The following DNAJC10 variants were observed in gnomAD, a reference collection of about 807,000 sequenced individuals.
DNAJC10 encodes DnaJ heat shock protein family (Hsp40) member C10.
A neutral mutation model predicts 115.0 loss-of-function variants in DNAJC10; 101 were observed. That is an observed-to-expected ratio of 0.88 (90% CI 0.75 to 1.04). DNAJC10 has a LOEUF of 1.04. Ranked by LOEUF, DNAJC10 falls within the 50% of genes least tolerant of loss-of-function variation. The pLI, the probability that DNAJC10 is intolerant of heterozygous loss-of-function variation, is 0.00. For missense variants in DNAJC10, 981 were observed against 928.8 expected, an observed-to-expected ratio of 1.06 and a Z score of -0.73; for synonymous variants, 307 against 301.5, an observed-to-expected ratio of 1.02 and a Z score of -0.19.
chr2:182,751,968 C>G (rs926017582), intron 15 of DNAJC10, 104 bp from the exon 16 acceptor site: 1 of 1,223,068 alleles, frequency 8.2e-7, no homozygotes, highest in Non-Finnish European at 1.2e-6. Context: ...AGGTTTGCCG[C>G]TAAGTACAGT....
rs760570136 is a variant in DNAJC10, at chr2:182,740,404, A to G, written c.1077+16A>G. ...CACACTAGAGGTAATGTTTTTATTA[A>G]TAATGATAAGTAGCAATGAATGTTC... On this transcript the variant is annotated intron_variant, in intron 12 of 23. Transcript: ENST00000264065. 6.4e-7 allele frequency: 1 copy of G among 1,551,196 alleles called. No homozygotes were observed. The highest frequency in any genetic ancestry group is 8.6e-7 in the Non-Finnish European group (1 of 1,157,318).
chr2:182,755,430 C>T (rs553285951), intron 17 of DNAJC10, among the ~76,000 whole-genome samples: 19 of 144,444 alleles, frequency 1.3e-4, no homozygotes, highest in African/African-American at 5.2e-4. Flanking sequence ...CTGGCATCTA[C>T]AGCATCTTTT....
Position 182,740,491 on chromosome 2 carries a change from T to C in DNAJC10, c.1077+103T>C, listed in dbSNP as rs191165109. 3,412 of 1,131,066 alleles carry C rather than the reference T, an allele frequency of 3.0e-3. 10 individuals carry two copies. The highest frequency in any genetic ancestry group is 3.6e-3 in the Non-Finnish European group (2,945 of 827,294). 70.1% of individuals were successfully genotyped at this position (1,131,066 alleles called of 1,614,324 possible). On this transcript the variant is annotated intron_variant, in intron 12 of 23. Transcript: ENST00000264065. ...TTGTTTTATTCATCTCTAGAGAGAATTGAAAGTAGCAGTTTCAAAGGATTA... is the reference window on the plus strand; with the variant it reads ...TTGTTTTATTCATCTCTAGAGAGAACTGAAAGTAGCAGTTTCAAAGGATTA...
At position 182,777,161 on chromosome 2, in the gene DNAJC10, A is replaced by G; in HGVS notation, c.*29A>G. 3.7e-6 allele frequency: 5 copies of G among 1,351,294 alleles called. No homozygotes were observed. Among genetic ancestry groups the G allele is most frequent in the Non-Finnish European group, 5.0e-6 (5 of 998,708 alleles). The allele number at this position is 1,351,294 out of a possible 1,614,324, so 83.7% of individuals were successfully genotyped here. On this transcript the variant is annotated 3_prime_UTR_variant, in exon 24 of 24. Transcript: ENST00000264065. ...TGTTGAAGATGAAGAAAAAGTTTAA[A>G]AGAAATTCTGACAGATGACATCAGA...
At chr2:182,719,882 C>T (rs1254175924) in intron 3 of DNAJC10, 125 bp from the exon 4 acceptor site, 1 of 392,466 alleles carries the variant, frequency 2.5e-6, no homozygotes, top group Non-Finnish European at 4.4e-6. Flanking sequence ...TGTTGTATTA[C>T]CCCTCCTTAT....
Position 182,780,980 on chromosome 2 carries a change from T to C in DNAJC10, c.*3848T>C. The C allele has an allele frequency of 6.6e-6, 1 of 152,274 alleles. No homozygotes were observed. Among genetic ancestry groups the C allele is most frequent in the Middle Eastern group, 3.4e-3 (1 of 294 alleles). The allele number at this position is 152,274 out of a possible 1,614,324, so 9.4% of individuals were successfully genotyped here. A position where few individuals can be genotyped will look rare whatever the true frequency, so the allele number is the denominator to read the frequency against. ...CATTAAGCAACTGCTGTTTTTTTTT[T>C]TTAATACTTCAAGTTCTGCAATACA... is the stretch of plus-strand genomic sequence containing the variant. On this transcript the variant is annotated 3_prime_UTR_variant, in exon 24 of 24. Transcript: ENST00000264065.
At chr2:182,769,772 C>T (rs1694511819) in intron 22 of DNAJC10, among the ~76,000 whole-genome samples, 1 of 152,066 alleles carries the variant, frequency 6.6e-6, no homozygotes, top group Admixed American at 6.6e-5. Context: ...CTGTAGGTTG[C>T]CTTTCACTCT....
chr2:182,765,324 A>G (rs936069569), intron 22 of DNAJC10, among the ~76,000 whole-genome samples: 1 of 152,182 alleles, frequency 6.6e-6, no homozygotes, highest in Admixed American at 6.6e-5. Context: ...AGGGGCATCT[A>G]TCAACCTCCT....
At chr2:182,770,184 T>G (rs1694523732) in intron 22 of DNAJC10, among the ~76,000 whole-genome samples, 2 of 152,232 alleles carry the variant, frequency 1.3e-5, no homozygotes, top group Admixed American at 1.3e-4. Flanking sequence ...ATATCTGTTT[T>G]GGTACCAGTA....
chr2:182,765,458 G>A (rs895025643), intron 22 of DNAJC10, among the ~76,000 whole-genome samples: 1 of 152,078 alleles, frequency 6.6e-6, no homozygotes, highest in African/African-American at 2.4e-5. Flanking sequence ...CTTGGCAAAG[G>A]ACAAGAATTG....
chr2:182,775,242 T>C (rs1351053405), intron 22 of DNAJC10, 74 bp from the exon 23 acceptor site: 1 of 937,908 alleles, frequency 1.1e-6, no homozygotes, highest in Non-Finnish European at 1.6e-6. Flanking sequence ...AAAGCATATT[T>C]AATCAAGTTT....
At chr2:182,769,606 T>A (rs1694507378) in intron 22 of DNAJC10, among the ~76,000 whole-genome samples, 1 of 152,270 alleles carries the variant, frequency 6.6e-6, no homozygotes, top group Non-Finnish European at 1.5e-5. Flanking sequence ...ATGCATCTGT[T>A]GGCTGCATAG....
At chr2:182,739,366 T>G (rs1289772758) in intron 11 of DNAJC10, among the ~76,000 whole-genome samples, 13 of 151,578 alleles carry the variant, frequency 8.6e-5, no homozygotes, top group Non-Finnish European at 1.9e-4. Flanking sequence ...CTAGCATGAT[T>G]AAACTGTGGA....
intron 7 of DNAJC10, 60 bp downstream of exon 7, chr2:182,729,054 G>A: frequency 6.5e-7 from 1 of 1,535,954 alleles, no homozygotes; most frequent in Non-Finnish European, 9.0e-7. Flanking sequence ...TTAAATAGTA[G>A]AGAAAATAAC....
intron 2 of DNAJC10, 57 bp from the exon 3 acceptor site, chr2:182,717,883 AT>A (rs1292664425): frequency 2.4e-6 from 1 of 412,962 alleles, no homozygotes; most frequent in Non-Finnish European, 4.3e-6. Flanking sequence ...TGATAAATAA[AT>A]TGTGCTATTA....
chr2:182,725,219 C>A (rs983647148), intron 5 of DNAJC10, among the ~76,000 whole-genome samples: 2 of 152,142 alleles, frequency 1.3e-5, no homozygotes, highest in Non-Finnish European at 2.9e-5. Context: ...TCTTCCTTCT[C>A]CCTTTTCTCT....
At chr2:182,754,867 A>G in intron 16 of DNAJC10, 136 bp from the exon 17 acceptor site, 1 of 1,329,226 alleles carries the variant, frequency 7.5e-7, no homozygotes, top group South Asian at 1.6e-5. Context: ...TGGTGAGACT[A>G]AAATTTTTGT....
chr2:182,729,065 A>C, intron 7 of DNAJC10, 71 bp downstream of exon 7: 3 of 1,470,068 alleles, frequency 2.0e-6, no homozygotes, highest in Non-Finnish European at 1.9e-6. Flanking sequence ...AGAAAATAAC[A>C]GTATGTAGAA....
At chr2:182,755,531 A>G (rs890606104) in intron 17 of DNAJC10, among the ~76,000 whole-genome samples, 2 of 149,260 alleles carry the variant, frequency 1.3e-5, no homozygotes, top group Admixed American at 1.3e-4. Context: ...ATTATTATCC[A>G]TTTGATGACC....
Sources: allele counts gnomAD v4.1 joint callset (sites outside exome capture counted in the v4.1 genomes callset), GRCh38; gene constraint gnomAD v4.1.1; transcripts MANE v1.5; gene names NCBI Gene and HGNC (gene_info 2026-07-23, HGNC 2026-07-21).